Variants in ARHGEF26 observed in about 807,000 individuals in gnomAD.
The protein encoded by ARHGEF26 is Rho guanine nucleotide exchange factor 26.
ARHGEF26 carries 59 observed loss-of-function variants against 89.4 expected under a neutral mutation model. That is an observed-to-expected ratio of 0.66 (90% CI 0.54 to 0.82). ARHGEF26 has a LOEUF of 0.82. Among genes scored for constraint, ARHGEF26 ranks in the 40% least tolerant of loss-of-function variants. ARHGEF26 has a pLI of 0.00. For synonymous variants in ARHGEF26, 500 were observed against 428.4 expected, an observed-to-expected ratio of 1.17 and a Z score of -2.06; for missense variants, 1,234 against 1,085.6, an observed-to-expected ratio of 1.14 and a Z score of -1.92.
chr3:154,253,960 T>A (rs1470108048), intron 13 of ARHGEF26, among the ~76,000 whole-genome samples: 12 of 152,164 alleles, frequency 7.9e-5, no homozygotes, highest in Admixed American at 5.9e-4. Context: ...TGTTTTGAGA[T>A]GGAGTCTCGC....
In ARHGEF26 at chr3:154,122,064, T is replaced by G. The variant is rs749402094; in HGVS notation, c.72T>G (p.Pro24=). The G allele has an allele frequency of 1.2e-5, 20 of 1,612,734 alleles. No homozygotes were observed. The Middle Eastern group carries it at 4.9e-4, about 40-fold the overall frequency. Residue 24 remains proline, a synonymous_variant, in exon 2 of 15, where the codon CCT becomes CCG. Coordinates refer to ENST00000465093, the MANE Select transcript of ARHGEF26 (RefSeq NM_015595.4). ...ITPLWRRRSI[P]QPHQVLGRSK... ...CTTTGTGGCGGAGGCGGTCGATTCC[T>G]CAGCCCCACCAGGTTCTGGGCCGGA...
intron 11 of ARHGEF26, among the ~76,000 whole-genome samples, chr3:154,234,541 T>A (rs73160576): frequency 0.04 from 6,147 of 152,166 alleles, 142 homozygotes; most frequent in South Asian, 0.071. Context: ...ATCAACATTT[T>A]AAAAAAATAT....
chr3:154,196,744 C>T (rs1371775015), intron 9 of ARHGEF26, among the ~76,000 whole-genome samples: 1 of 152,008 alleles, frequency 6.6e-6, no homozygotes, highest in Non-Finnish European at 1.5e-5. Context: ...TCCTCCAAGA[C>T]CTCAAGTCCT....
intron 6 of ARHGEF26, among the ~76,000 whole-genome samples, chr3:154,179,618 C>T (rs1319686612): frequency 6.6e-6 from 1 of 152,124 alleles, no homozygotes; most frequent in African/African-American, 2.4e-5. Flanking sequence ...AGAATAGAGC[C>T]TGGCACATAG....
Position 154,255,679 on chromosome 3 carries a change from C to G in ARHGEF26, c.*206C>G. 7.2e-7 allele frequency: 1 copy of G among 1,383,750 alleles called. No homozygotes were observed. Among genetic ancestry groups the G allele is most frequent in the Non-Finnish European group, 9.3e-7 (1 of 1,075,376 alleles). The allele number at this position is 1,383,750 out of a possible 1,614,324, so 85.7% of individuals were successfully genotyped here. ...TTGCACAGCTCAGTTTTTACCTAACCACACACTTGCAGACCTCCTGAGGTA... is the reference window on the plus strand; with the variant it reads ...TTGCACAGCTCAGTTTTTACCTAACGACACACTTGCAGACCTCCTGAGGTA... On this transcript the variant is annotated 3_prime_UTR_variant, in exon 15 of 15. Coordinates refer to ENST00000465093, the MANE Select transcript of ARHGEF26 (RefSeq NM_015595.4).
intron 12 of ARHGEF26, among the ~76,000 whole-genome samples, chr3:154,246,785 A>G (rs76557547): frequency 0.056 from 8,481 of 152,284 alleles, 376 homozygotes; most frequent in Non-Finnish European, 0.084. Flanking sequence ...TTTGGAGACA[A>G]AAACAACAGG....
intron 12 of ARHGEF26, among the ~76,000 whole-genome samples, chr3:154,252,516 A>C (rs1416749882): frequency 6.6e-6 from 1 of 152,316 alleles, no homozygotes; most frequent in East Asian, 1.9e-4. Context: ...ATTATAGCTT[A>C]ATATTATATT....
At chr3:154,186,417 G>C (rs188759100) in intron 6 of ARHGEF26, among the ~76,000 whole-genome samples, 1 of 152,148 alleles carries the variant, frequency 6.6e-6, no homozygotes, top group Admixed American at 6.5e-5. Flanking sequence ...ACACTTGTAT[G>C]TGTATATCTA....
Position 154,122,640 on chromosome 3 carries a change from C to T in ARHGEF26, c.648C>T (p.Pro216=), listed in dbSNP as rs1374951199. The T allele has an allele frequency of 1.2e-6, 2 of 1,613,772 alleles. No individual in the cohort carries two copies. Among genetic ancestry groups the T allele is most frequent in the African/African-American group, 1.3e-5 (1 of 74,944 alleles). Residue 216 remains proline, a synonymous_variant, in exon 2 of 15, where the codon CCC becomes CCT. Transcript: ENST00000465093. ...AAAGTTCTTCGGAACAAAAACTCCC[C>T]CTCCAAAGGCTGCCCTCCCAGGAGA... The part of the protein sequence containing the change: ...PQKSSSEQKL[P]LQRLPSQENE...
chr3:154,245,807 G>T (rs895417879), intron 12 of ARHGEF26, among the ~76,000 whole-genome samples: 1 of 152,150 alleles, frequency 6.6e-6, no homozygotes, highest in African/African-American at 2.4e-5. Context: ...TTTTTGTCAG[G>T]CACCTACTTC....
intron 11 of ARHGEF26, among the ~76,000 whole-genome samples, chr3:154,237,032 G>A (rs1329624318): frequency 6.6e-6 from 1 of 152,138 alleles, no homozygotes; most frequent in African/African-American, 2.4e-5. Flanking sequence ...AAACACTTGA[G>A]GTGAAATCAT....
At chr3:154,153,696 G>A (rs1215517943) in intron 6 of ARHGEF26, among the ~76,000 whole-genome samples, 2 of 151,702 alleles carry the variant, frequency 1.3e-5, no homozygotes, top group Admixed American at 6.6e-5. Context: ...CTGTTCCCTG[G>A]CCACCTGAAA....
chr3:154,249,077 G>A (rs1057069310), intron 12 of ARHGEF26, among the ~76,000 whole-genome samples: 8 of 152,196 alleles, frequency 5.3e-5, no homozygotes, highest in African/African-American at 1.7e-4. Context: ...AAGGTAACTG[G>A]TCAAATGCCA....
chr3:154,218,105 A>G (rs1715895885), intron 10 of ARHGEF26, 147 bp downstream of exon 10: 1 of 716,930 alleles, frequency 1.4e-6, no homozygotes, highest in Non-Finnish European at 2.3e-6. Context: ...GCTTCAGGCA[A>G]TTTTGCTTTT....
At chr3:154,212,217 A>C (rs13085039) in intron 9 of ARHGEF26, among the ~76,000 whole-genome samples, 15,744 of 151,844 alleles carry the variant, frequency 0.1, 1,387 homozygotes, top group East Asian at 0.41. Flanking sequence ...TGTGGTTCCA[A>C]CTACTTGGGA....
At chr3:154,138,243 T>TA (rs1052110043) in intron 4 of ARHGEF26, among the ~76,000 whole-genome samples, 2 of 1,832 alleles carry the variant, frequency 1.1e-3, no homozygotes, top group African/African-American at 0.019. Context: ...TACATGTAAA[T>TA]TTTTTTAATA....
At chr3:154,166,987 T>C (rs902068986) in intron 6 of ARHGEF26, among the ~76,000 whole-genome samples, 3 of 152,168 alleles carry the variant, frequency 2.0e-5, no homozygotes, top group South Asian at 4.1e-4. Flanking sequence ...CTATTTACTT[T>C]TAGTCCATCA....
intron 6 of ARHGEF26, among the ~76,000 whole-genome samples, chr3:154,177,972 G>A (rs561605115): frequency 1.3e-4 from 20 of 152,304 alleles, no homozygotes; most frequent in Non-Finnish European, 2.6e-4. Flanking sequence ...TTGGGAGGCC[G>A]AGGCAGGCAG....
rs1250061157 is a variant in ARHGEF26, at chr3:154,122,623, T to G, written c.631T>G (p.Ser211Ala). The G allele has an allele frequency of 6.2e-7, 1 of 1,613,758 alleles. No homozygotes were observed. The highest frequency in any genetic ancestry group is 1.3e-5 in the African/African-American group (1 of 75,032). Residue 211 changes from serine to alanine, a missense_variant, in exon 2 of 15, where the codon TCG becomes GCG. Coordinates refer to ENST00000465093, the MANE Select transcript of ARHGEF26 (RefSeq NM_015595.4). ...GLFPGPQKSS[S>A]EQKLPLQRLP... ...CTTTCCTGGGCCCCAGAAAAGTTCT[T>G]CGGAACAAAAACTCCCCCTCCAAAG...
Sources: allele counts gnomAD v4.1 joint callset (sites outside exome capture counted in the v4.1 genomes callset), GRCh38; gene constraint gnomAD v4.1.1; transcripts MANE v1.5; gene names NCBI Gene and HGNC (gene_info 2026-07-23, HGNC 2026-07-21).